The following GABRA2 variants were observed in gnomAD, a reference collection of about 807,000 sequenced individuals.
GABRA2 encodes the protein gamma-aminobutyric acid receptor subunit alpha-2.
A neutral mutation model predicts 48.7 loss-of-function variants in GABRA2; 16 were observed. The observed-to-expected ratio is 0.33, with a 90% confidence interval of 0.22 to 0.50. The LOEUF (loss-of-function observed/expected upper bound fraction) is 0.50, where lower values mean the gene tolerates loss of function less well. Among genes scored for constraint, GABRA2 ranks in the 20% least tolerant of loss-of-function variants. The pLI, the probability that GABRA2 is intolerant of heterozygous loss-of-function variation, is 0.98. For synonymous variants in GABRA2, 185 were observed against 184.5 expected, an observed-to-expected ratio of 1.00 and a Z score of -0.02; for missense variants, 275 against 535.6, an observed-to-expected ratio of 0.51 and a Z score of 4.80.
At chr4:46,279,612 T>TA in intron 8 of GABRA2, among the ~76,000 whole-genome samples, 1 of 152,264 alleles carries the variant, frequency 6.6e-6, no homozygotes, top group Non-Finnish European at 1.5e-5. Context: ...TATGTCTTTA[T>TA]ATATTAAAAT....
At chr4:46,324,074 T>A (rs1010389598) in intron 4 of GABRA2, among the ~76,000 whole-genome samples, 1 of 151,926 alleles carries the variant, frequency 6.6e-6, no homozygotes, top group African/African-American at 2.4e-5. Context: ...CTTAAAAATG[T>A]TACCTCCACT....
At chr4:46,389,339 G>C (rs1717916895) in intron 1 of GABRA2, 1 of 985,414 alleles carries the variant, frequency 1.0e-6, no homozygotes, top group Non-Finnish European at 1.2e-6. Flanking sequence ...AAGTCTTAGA[G>C]GCAGCCGGGT....
intron 8 of GABRA2, among the ~76,000 whole-genome samples, chr4:46,265,428 A>ATATATAATATATTGTG (rs1717958023): frequency 1.6e-5 from 2 of 123,018 alleles, no homozygotes; most frequent in African/African-American, 7.4e-5. Context: ...TATATTGTGT[A>ATATATAATATATTGTG]TATATATATA....
chr4:46,253,197 C>T (rs1160061380), intron 9 of GABRA2, among the ~76,000 whole-genome samples: 5 of 151,196 alleles, frequency 3.3e-5, no homozygotes, highest in African/African-American at 1.2e-4. Context: ...CAGGAGTCTC[C>T]AGCTAGAAAC....
chr4:46,291,774 C>CATATATAT lies in GABRA2; in HGVS notation c.856+11685_856+11686insATATATAT, dbSNP rs1415105864. ...TGAGTTAATACTATTAATAAACACA[C>CATATATAT]ACATATATATATATATACATATACA... On this transcript the variant is annotated intron_variant, in intron 8 of 9. Transcript: ENST00000381620. Among the ~76,000 whole-genome samples the CATATATAT allele has an allele frequency of 1.0e-4, 11 of 107,922 alleles. No homozygotes were observed. The South Asian group carries it at 1.5e-3, about 15-fold the overall frequency. The allele number at this position is 107,922 out of a possible 152,430, so 70.8% of individuals were successfully genotyped here.
At chr4:46,368,383 C>T (rs1714379806) in intron 3 of GABRA2, 1 of 152,030 alleles carries the variant, frequency 6.6e-6, no homozygotes, top group South Asian at 2.1e-4. Flanking sequence ...ATTTCTTTTT[C>T]CCTTTAACTT....
At chr4:46,329,902 A>C (rs1241197409) in intron 4 of GABRA2, among the ~76,000 whole-genome samples, 1 of 152,184 alleles carries the variant, frequency 6.6e-6, no homozygotes, top group South Asian at 2.1e-4. Context: ...ATCTCATAGA[A>C]ATTTTTTTAG....
intron 4 of GABRA2, among the ~76,000 whole-genome samples, chr4:46,324,137 C>G (rs1039629030): frequency 2.5e-4 from 38 of 151,998 alleles, no homozygotes; most frequent in African/African-American, 8.9e-4. Context: ...AATCTGGTTG[C>G]TTTTACCACA....
intron 8 of GABRA2, among the ~76,000 whole-genome samples, chr4:46,262,430 G>A (rs779632096): frequency 2.6e-5 from 4 of 152,124 alleles, no homozygotes; most frequent in East Asian, 1.9e-4. Context: ...TAGGGATACC[G>A]AAGTAGAATT....
intron 8 of GABRA2, among the ~76,000 whole-genome samples, chr4:46,269,107 ATG>A (rs1481549375): frequency 6.6e-6 from 1 of 151,824 alleles, no homozygotes; most frequent in Non-Finnish European, 1.5e-5. Flanking sequence ...AATAATTTTG[ATG>A]TTTTTTTGAG....
At chr4:46,295,844 C>T (rs1309579451) in intron 8 of GABRA2, among the ~76,000 whole-genome samples, 1 of 152,182 alleles carries the variant, frequency 6.6e-6, no homozygotes, top group African/African-American at 2.4e-5. Context: ...GTTTGCCTAT[C>T]CTGCACGCAA....
chr4:46,273,034 A>G (rs2109411271), intron 8 of GABRA2, among the ~76,000 whole-genome samples: 1 of 143,322 alleles, frequency 7.0e-6, no homozygotes, highest in Middle Eastern at 3.6e-3. Context: ...TCCTAATGCT[A>G]TTCCTCCCCT....
chr4:46,329,124 T>A (rs1033360008), intron 4 of GABRA2, among the ~76,000 whole-genome samples: 1 of 152,122 alleles, frequency 6.6e-6, no homozygotes, highest in African/African-American at 2.4e-5. Context: ...AACTATCTCC[T>A]GGTCCTCAGT....
intron 3 of GABRA2, among the ~76,000 whole-genome samples, chr4:46,358,913 A>C (rs73133233): frequency 0.027 from 4,088 of 152,298 alleles, 196 homozygotes; most frequent in African/African-American, 0.093. Context: ...TGTTCTATAC[A>C]TAAGGAATGA....
At chr4:46,286,106 C>T (rs756754943) in intron 8 of GABRA2, among the ~76,000 whole-genome samples, 1 of 151,950 alleles carries the variant, frequency 6.6e-6, no homozygotes, top group African/African-American at 2.4e-5. Context: ...AGTAATCACT[C>T]TCCATTTATT....
intron 4 of GABRA2, among the ~76,000 whole-genome samples, chr4:46,320,443 C>G (rs11931406): frequency 1.3e-5 from 2 of 151,832 alleles, no homozygotes; most frequent in East Asian, 3.9e-4. Context: ...CGACATACAT[C>G]AAACTAGAAA....
rs1397816030 is a variant in GABRA2 at position 46,246,466 on chromosome 4, T to C, written c.*3842A>G. ...CAAGCATGCAGATGTCAAAAATAAC[T>C]GCACCCCTCCCCAGTTAAAATTTTA... On this transcript the variant is annotated 3_prime_UTR_variant, in exon 10 of 10. Coordinates refer to ENST00000381620, the MANE Select transcript of GABRA2 (RefSeq NM_000807.4). 6.6e-6 allele frequency among the ~76,000 whole-genome samples: 1 copy of C among 151,100 alleles called. No individual in the cohort carries two copies. The highest frequency in any genetic ancestry group is 1.5e-5 in the Non-Finnish European group (1 of 67,404).
At chr4:46,384,699 C>A (rs1335581924) in intron 3 of GABRA2, among the ~76,000 whole-genome samples, 4 of 152,224 alleles carry the variant, frequency 2.6e-5, no homozygotes, top group African/African-American at 7.2e-5. Context: ...ATTATGGGAA[C>A]CTTACTTCTT....
intron 8 of GABRA2, among the ~76,000 whole-genome samples, chr4:46,267,040 A>T (rs1026336651): frequency 5.3e-5 from 8 of 151,424 alleles, no homozygotes; most frequent in Non-Finnish European, 8.8e-5. Flanking sequence ...TTCTTTTTTC[A>T]CCTTTCTCTT....
Sources: allele counts gnomAD v4.1 joint callset (sites outside exome capture counted in the v4.1 genomes callset), GRCh38; gene constraint gnomAD v4.1.1; transcripts MANE v1.5; gene names NCBI Gene and HGNC (gene_info 2026-07-23, HGNC 2026-07-21).